BACH2: variants seen among roughly 807,000 people sequenced by gnomAD.
The protein encoded by BACH2 is transcription regulator protein BACH2.
A neutral mutation model predicts 61.8 loss-of-function variants in BACH2; 5 were observed. The observed-to-expected ratio is 0.08, with a 90% CI of 0.04 to 0.17. The LOEUF (loss-of-function observed/expected upper bound fraction) is 0.17. Ranked by LOEUF, BACH2 falls within the 10% of genes least tolerant of loss-of-function variation. The probability of loss-of-function intolerance (pLI) is 1.00; values close to 1 mark genes in which losing one functional copy is unlikely to be tolerated. For synonymous variants in BACH2, 446 were observed against 440.1 expected (o/e 1.01, Z -0.17); for missense variants, 824 against 1,091.1 (o/e 0.76, Z 3.45).
intron 1 of BACH2, among the ~76,000 whole-genome samples, chr6:90,272,512 T>C (rs1289980951): frequency 6.6e-6 from 1 of 152,192 alleles, no homozygotes; most frequent in Non-Finnish European, 1.5e-5. Context: ...CCATTTTTCC[T>C]GCATATGGTA....
intron 3 of BACH2, among the ~76,000 whole-genome samples, chr6:90,241,658 G>A (rs1025989442): frequency 1.3e-5 from 2 of 152,232 alleles, no homozygotes; most frequent in African/African-American, 4.8e-5. Context: ...GGGACAGGGT[G>A]TGGCTAGGGA....
intron 6 of BACH2, among the ~76,000 whole-genome samples, chr6:89,975,957 A>G (rs1445563247): frequency 6.6e-6 from 1 of 152,240 alleles, no homozygotes; most frequent in Non-Finnish European, 1.5e-5. Context: ...ACACTGTGTC[A>G]GCGACAGACA....
intron 3 of BACH2, among the ~76,000 whole-genome samples, chr6:90,226,333 ACTCC>A (rs977668468): frequency 8.6e-5 from 13 of 151,934 alleles, no homozygotes; most frequent in African/African-American, 3.1e-4. Flanking sequence ...TCAAGAGGAG[ACTCC>A]CTGACTGCTC....
At chr6:89,946,578 G>A (rs1296215321) in intron 7 of BACH2, among the ~76,000 whole-genome samples, 2 of 152,218 alleles carry the variant, frequency 1.3e-5, no homozygotes, top group African/African-American at 2.4e-5. Flanking sequence ...AGTGACAGCT[G>A]AATGAACTAC....
intron 7 of BACH2, among the ~76,000 whole-genome samples, chr6:89,943,607 G>A (rs1468591042): frequency 2.6e-5 from 4 of 152,080 alleles, no homozygotes; most frequent in African/African-American, 7.2e-5. Flanking sequence ...CAATCAAGTG[G>A]TGCTGTATCT....
At chr6:90,035,198 T>C (rs1779203167) in intron 5 of BACH2, among the ~76,000 whole-genome samples, 1 of 152,098 alleles carries the variant, frequency 6.6e-6, no homozygotes, top group South Asian at 2.1e-4. Context: ...GTTGTTAACA[T>C]ATTATGACAC....
chr6:90,034,181 T>C (rs1425920245), intron 5 of BACH2, among the ~76,000 whole-genome samples: 1 of 152,192 alleles, frequency 6.6e-6, no homozygotes, highest in Non-Finnish European at 1.5e-5. Context: ...CAGAGAAGCA[T>C]ACCAACCGTA....
intron 5 of BACH2, among the ~76,000 whole-genome samples, chr6:90,069,335 C>T (rs779726698): frequency 5.3e-5 from 8 of 152,170 alleles, no homozygotes; most frequent in African/African-American, 1.4e-4. Flanking sequence ...CTCCCCTTCC[C>T]GTTGCTTTTT....
At chr6:90,055,080 A>G (rs112524066) in intron 5 of BACH2, among the ~76,000 whole-genome samples, 26 of 151,092 alleles carry the variant, frequency 1.7e-4, no homozygotes, top group Non-Finnish European at 2.1e-4. Context: ...CCTCCTTCAA[A>G]GGAACACAGC....
At chr6:90,222,148 C>T (rs769959192) in intron 3 of BACH2, among the ~76,000 whole-genome samples, 5 of 152,128 alleles carry the variant, frequency 3.3e-5, no homozygotes, top group East Asian at 1.9e-4. Context: ...TCTACACTTA[C>T]GGCACATCTC....
chr6:90,238,428 C>T (rs1770330254), intron 3 of BACH2, among the ~76,000 whole-genome samples: 3 of 152,226 alleles, frequency 2.0e-5, no homozygotes, highest in Admixed American at 2.0e-4. Context: ...GATAGCGCAA[C>T]TGCTGATGTG....
At chr6:90,273,711 C>A (rs1489149171) in intron 1 of BACH2, among the ~76,000 whole-genome samples, 1 of 152,082 alleles carries the variant, frequency 6.6e-6, no homozygotes, top group Non-Finnish European at 1.5e-5. Context: ...AGCTTTTCTG[C>A]CTCTGAACTT....
At chr6:90,063,177 A>G in intron 5 of BACH2, among the ~76,000 whole-genome samples, 1 of 152,196 alleles carries the variant, frequency 6.6e-6, no homozygotes, top group East Asian at 1.9e-4. Flanking sequence ...ATCCAAAAGC[A>G]AGTATTCAGA....
Position 89,930,939 on chromosome 6 carries a change from A to T in BACH2, c.*1469T>A, listed in dbSNP as rs553775656. Reference sequence around the variant, plus strand: ...TGCCAGGATGCCCTGCTCTCTCCCAATGGGGTGAAGGCAGGACCTTCGGGG... The same window carrying T: ...TGCCAGGATGCCCTGCTCTCTCCCATTGGGGTGAAGGCAGGACCTTCGGGG... On this transcript the variant is annotated 3_prime_UTR_variant, in exon 9 of 9. Coordinates refer to ENST00000257749, the MANE Select transcript of BACH2 (RefSeq NM_021813.4). The T allele has an allele frequency of 3.9e-5, 6 of 152,224 alleles. No homozygotes were observed. The highest frequency in any genetic ancestry group is 1.4e-4 in the African/African-American group (6 of 41,542). 9.4% of individuals were successfully genotyped at this position (152,224 alleles called of 1,614,324 possible).
At chr6:90,053,895 G>A (rs1780180303) in intron 5 of BACH2, among the ~76,000 whole-genome samples, 1 of 152,078 alleles carries the variant, frequency 6.6e-6, no homozygotes, top group South Asian at 2.1e-4. Flanking sequence ...AAAAAGTTGT[G>A]AAGGCCTTTT....
chr6:90,054,754 G>A (rs191798123), intron 5 of BACH2, among the ~76,000 whole-genome samples: 373 of 152,240 alleles, frequency 2.5e-3, no homozygotes, highest in African/African-American at 7.3e-3. Context: ...TCACACAGCC[G>A]GGTACTCCTC....
intron 4 of BACH2, among the ~76,000 whole-genome samples, chr6:90,118,849 C>G (rs1040020253): frequency 6.6e-6 from 1 of 152,114 alleles, no homozygotes; most frequent in Non-Finnish European, 1.5e-5. Context: ...TCTAACCAGA[C>G]CTGGGTTTGG....
intron 3 of BACH2, among the ~76,000 whole-genome samples, chr6:90,248,605 C>CGA (rs1770709045): frequency 6.6e-6 from 1 of 152,014 alleles, no homozygotes; most frequent in South Asian, 2.1e-4. Context: ...GAAGGATGAA[C>CGA]GAGAGTTAGA....
chr6:90,013,827 C>CT (rs921871469), intron 5 of BACH2, among the ~76,000 whole-genome samples: 3 of 151,810 alleles, frequency 2.0e-5, no homozygotes, highest in Non-Finnish European at 4.4e-5. Context: ...ATCTTTCTTT[C>CT]TTTTTCTTCA....
Sources: allele counts gnomAD v4.1 joint callset (sites outside exome capture counted in the v4.1 genomes callset), GRCh38; gene constraint gnomAD v4.1.1; transcripts MANE v1.5; gene names NCBI Gene and HGNC (gene_info 2026-07-23, HGNC 2026-07-21).